Variants in CCDC30 observed in about 807,000 individuals in gnomAD.
CCDC30 encodes the protein coiled-coil domain containing 30.
A neutral mutation model predicts 100.2 loss-of-function variants in CCDC30; 70 were observed. The observed-to-expected ratio is 0.70, with a 90% CI of 0.58 to 0.85. The LOEUF (loss-of-function observed/expected upper bound fraction) is 0.85. CCDC30 is among the 40% of genes least tolerant of loss of function. CCDC30 has a pLI of 0.00. For missense variants in CCDC30, 652 were observed against 771.2 expected, an observed-to-expected ratio of 0.85 and a Z score of 1.83; for synonymous variants, 233 against 269.5, an observed-to-expected ratio of 0.86 and a Z score of 1.33.
At chr1:42,535,701 T>TATATATATTATATATATATAAA (rs1553190467) in intron 6 of CCDC30, among the ~76,000 whole-genome samples, 2 of 70,506 alleles carry the variant, frequency 2.8e-5, no homozygotes, top group South Asian at 4.6e-4. Context: ...CACTACTATA[T>TATATATATTATATATATATAAA]ATATATATTA....
intron 1 of CCDC30, among the ~76,000 whole-genome samples, chr1:42,476,108 G>A (rs1368219270): frequency 2.6e-5 from 4 of 152,048 alleles, no homozygotes; most frequent in Admixed American, 2.0e-4. Flanking sequence ...ACTTTAACAA[G>A]GTCTGTAAAG....
chr1:42,573,715 A>G (rs1482758887), intron 7 of CCDC30, among the ~76,000 whole-genome samples: 2 of 152,058 alleles, frequency 1.3e-5, no homozygotes, highest in Non-Finnish European at 2.9e-5. Flanking sequence ...TAGCTTTTTA[A>G]AAATAGATAT....
At chr1:42,466,258 A>G (rs1397254779) in intron 1 of CCDC30, among the ~76,000 whole-genome samples, 1 of 152,172 alleles carries the variant, frequency 6.6e-6, no homozygotes, top group African/African-American at 2.4e-5. Context: ...CTTTGCTCAG[A>G]GGCAGGAGAT....
At chr1:42,462,258 G>C (rs554036623), upstream of CCDC30, among the ~76,000 whole-genome samples, 1 of 152,096 alleles carries the variant, frequency 6.6e-6, no homozygotes, top group African/African-American at 2.4e-5. Flanking sequence ...ATAGCAAATG[G>C]AAGTGTATAA....
exon 17 of CCDC30, chr1:42,654,066 T>A: frequency 1.4e-6 from 2 of 1,478,742 alleles, no homozygotes; most frequent in Non-Finnish European, 1.9e-6. Flanking sequence ...ACAAAAGTGG[T>A]AATTTAAAGC....
At chr1:42,462,683 A>G (rs1283464246), upstream of CCDC30, among the ~76,000 whole-genome samples, 1 of 152,234 alleles carries the variant, frequency 6.6e-6, no homozygotes, top group African/African-American at 2.4e-5. Context: ...GAGTATGTTA[A>G]ATTTTGTGTC....
At position 42,556,419 on chromosome 1, in the gene CCDC30, A is replaced by G. The variant is rs1225835878; in HGVS notation, c.457-9877A>G. The G allele has an allele frequency of 9.5e-6, 15 of 1,578,942 alleles. No individual in the cohort carries two copies. The highest frequency in any genetic ancestry group is 2.7e-5 in the African/African-American group (2 of 73,422). On this transcript the variant is annotated intron_variant, in intron 6 of 16. Transcript: ENST00000668663. ...AGTGGTGCCCAGGTAGGTGCTATAA[A>G]CACATGCCCTGACTGGGTTCGTTTC...
rs560650030 is a variant in CCDC30, at chr1:42,507,885, A to G, written c.456+8969A>G. Among the ~76,000 whole-genome samples, 45 of 152,266 alleles carry G rather than the reference A, an allele frequency of 3.0e-4. 3 individuals carry two copies. The South Asian group carries it at 8.3e-3, about 28-fold the overall frequency. Reference sequence around the variant, plus strand: ...ATATTGATAACACTTGTATTTTACCAATAATCTTGAAGACTTTTTTATTTC... The same window carrying G: ...ATATTGATAACACTTGTATTTTACCGATAATCTTGAAGACTTTTTTATTTC... On this transcript the variant is annotated intron_variant, in intron 6 of 16. Transcript: ENST00000668663.
rs748225827 is a variant in CCDC30 at position 42,611,059 on chromosome 1, C to T, written c.1246C>T (p.Arg416Ter). The T allele has an allele frequency of 6.2e-5, 100 of 1,608,568 alleles. 1 individual carries two copies. Among genetic ancestry groups the T allele is most frequent in the South Asian group, 7.7e-5 (7 of 90,920 alleles). The change falls in exon 11 of 17, where the codon CGA becomes TGA. Residue 416 changes from arginine to a stop codon, truncating the protein, a stop_gained. Transcript: ENST00000668663. LOFTEE classifies it high-confidence loss of function. ...GGAAGCTCTACGTGAAGAATATTTG[C>T]GATTATTGAAGCTGCTTAATGTCCA...
chr1:42,487,425 T>C (rs78635938), intron 3 of CCDC30, among the ~76,000 whole-genome samples: 7,197 of 152,214 alleles, frequency 0.047, 261 homozygotes, highest in East Asian at 0.13. Context: ...ACACATATTT[T>C]CCCAGTTATT....
intron 10 of CCDC30, among the ~76,000 whole-genome samples, chr1:42,602,575 G>C (rs1646425765): frequency 6.6e-6 from 1 of 152,176 alleles, no homozygotes; most frequent in South Asian, 2.1e-4. Flanking sequence ...CCTTGATATA[G>C]TCTGCCAAAA....
intron 6 of CCDC30, among the ~76,000 whole-genome samples, chr1:42,563,592 A>T (rs943676247): frequency 3.9e-5 from 6 of 152,150 alleles, no homozygotes; most frequent in African/African-American, 1.2e-4. Flanking sequence ...AAATTTTTTT[A>T]AAAAGTGGCT....
chr1:42,644,143 CATATAT>C (rs1279430235), intron 13 of CCDC30, among the ~76,000 whole-genome samples: 3 of 151,986 alleles, frequency 2.0e-5, no homozygotes, highest in Non-Finnish European at 4.4e-5. Flanking sequence ...AGAGTATATA[CATATAT>C]ATAAAGAGGA....
intron 7 of CCDC30, among the ~76,000 whole-genome samples, chr1:42,571,736 G>A (rs538032468): frequency 4.5e-4 from 69 of 152,144 alleles, no homozygotes; most frequent in Non-Finnish European, 9.3e-4. Context: ...GTTTAACAAA[G>A]CGTTTGACCA....
At chr1:42,556,775 T>C (rs1006380071) in intron 6 of CCDC30, among the ~76,000 whole-genome samples, 3 of 152,178 alleles carry the variant, frequency 2.0e-5, no homozygotes, top group Non-Finnish European at 4.4e-5. Flanking sequence ...TTATAAAATG[T>C]TCATAAACTC....
chr1:42,585,659 C>T (rs1309446500), intron 9 of CCDC30, among the ~76,000 whole-genome samples: 1 of 151,906 alleles, frequency 6.6e-6, no homozygotes, highest in Non-Finnish European at 1.5e-5. Context: ...TATTTTTCTT[C>T]CTTTATAATA....
chr1:42,605,696 AG>A, intron 10 of CCDC30, among the ~76,000 whole-genome samples: 1 of 152,272 alleles, frequency 6.6e-6, no homozygotes, highest in East Asian at 1.9e-4. Flanking sequence ...TATGTTGCCC[AG>A]GCTGGTCTTG....
At chr1:42,641,873 A>AACAAG (rs909203260) in intron 12 of CCDC30, among the ~76,000 whole-genome samples, 3 of 151,918 alleles carry the variant, frequency 2.0e-5, no homozygotes, top group African/African-American at 7.2e-5. Flanking sequence ...AACAAAACAA[A>AACAAG]CAAACAAAAA....
At chr1:42,653,136 T>C (rs1438455365) in intron 15 of CCDC30, among the ~76,000 whole-genome samples, 1 of 152,152 alleles carries the variant, frequency 6.6e-6, no homozygotes, top group African/African-American at 2.4e-5. Flanking sequence ...GTATGTATAG[T>C]ACCATGTGTG....
Sources: allele counts gnomAD v4.1 joint callset (sites outside exome capture counted in the v4.1 genomes callset), GRCh38; gene constraint gnomAD v4.1.1; transcripts MANE v1.5; gene names NCBI Gene and HGNC (gene_info 2026-07-23, HGNC 2026-07-21).